LDAH: variants seen among roughly 807,000 people sequenced by gnomAD.
LDAH encodes the protein lipid droplet associated hydrolase, also known as lipid droplet-associated hydrolase.
LDAH carries 26 observed loss-of-function variants against 29.6 expected under a neutral mutation model. The observed-to-expected ratio is 0.88, with a 90% CI of 0.64 to 1.22. The LOEUF (loss-of-function observed/expected upper bound fraction) is 1.22. Among genes scored for constraint, LDAH ranks in the 50% most tolerant of loss-of-function variants. LDAH has a pLI of 0.00. For missense variants in LDAH, 344 were observed against 387.3 expected, an observed-to-expected ratio of 0.89 and a Z score of 0.94; for synonymous variants, 117 against 133.0, an observed-to-expected ratio of 0.88 and a Z score of 0.83.
chr2:20,694,463 A>G (rs1663273552), intron 6 of LDAH, among the ~76,000 whole-genome samples: 1 of 152,238 alleles, frequency 6.6e-6, no homozygotes, highest in Non-Finnish European at 1.5e-5. Context: ...AGTCTTTCTG[A>G]GCCTCTGTTT....
At chr2:20,755,461 A>G (rs1668279056) in intron 4 of LDAH, among the ~76,000 whole-genome samples, 1 of 152,192 alleles carries the variant, frequency 6.6e-6, no homozygotes, top group African/African-American at 2.4e-5. Flanking sequence ...AGTAAACTGT[A>G]AATTCTGCAT....
intron 6 of LDAH, among the ~76,000 whole-genome samples, chr2:20,695,053 T>G (rs549028607): frequency 2.0e-5 from 3 of 152,358 alleles, no homozygotes; most frequent in South Asian, 2.1e-4. Flanking sequence ...GGGGCAAATG[T>G]ACTGGAATGG....
chr2:20,690,742 CA>C (rs963061154), intron 6 of LDAH, among the ~76,000 whole-genome samples: 57 of 152,186 alleles, frequency 3.7e-4, no homozygotes, highest in African/African-American at 1.3e-3. Context: ...AACAACTGGA[CA>C]CCAAAAACAT....
chr2:20,772,339 G>A (rs1279617699), intron 4 of LDAH, among the ~76,000 whole-genome samples: 1 of 152,138 alleles, frequency 6.6e-6, no homozygotes, highest in Admixed American at 6.5e-5. Flanking sequence ...TGTTTTTAAA[G>A]TGTTTAAGAC....
At chr2:20,706,623 T>A (rs878928489) in intron 5 of LDAH, among the ~76,000 whole-genome samples, 26 of 152,004 alleles carry the variant, frequency 1.7e-4, no homozygotes, top group Middle Eastern at 6.8e-3. Context: ...CAAATGGAAA[T>A]GATTTTCCAT....
Position 20,712,437 on chromosome 2 carries a change from G to C in LDAH, c.704-10785C>G, listed in dbSNP as rs148896661. Among the ~76,000 whole-genome samples, 1,022 of 152,304 alleles carry C rather than the reference G, an allele frequency of 6.7e-3. 12 individuals carry two copies. The highest frequency in any genetic ancestry group is 0.023 in the African/African-American group (968 of 41,566). On this transcript the variant is annotated intron_variant, in intron 5 of 6. Coordinates refer to ENST00000237822, the MANE Select transcript of LDAH (RefSeq NM_021925.4). ...AAATCACAAAGATGGGGAGAAACCA[G>C]AGCAGAAAAGCTGAAAATTCTAAAA...
At chr2:20,792,582 G>T (rs560843434) in intron 2 of LDAH, among the ~76,000 whole-genome samples, 198 of 152,174 alleles carry the variant, frequency 1.3e-3, no homozygotes, top group African/African-American at 4.6e-3. Flanking sequence ...AAAGTAGTTG[G>T]CATTTTCATT....
At chr2:20,724,980 T>C (rs1299905137) in intron 5 of LDAH, among the ~76,000 whole-genome samples, 1 of 152,040 alleles carries the variant, frequency 6.6e-6, no homozygotes, top group African/African-American at 2.4e-5. Flanking sequence ...ACAGGTGAAT[T>C]TGGGAGGTAG....
chr2:20,774,971 C>T lies in LDAH; in HGVS notation c.307G>A (p.Ala103Thr), dbSNP rs773067501. 3.2e-5 allele frequency: 51 copies of T among 1,583,422 alleles called. No individual in the cohort carries two copies. Among genetic ancestry groups the T allele is most frequent in the Middle Eastern group, 1.9e-4 (1 of 5,358 alleles). Residue 103 changes from alanine (A) to threonine (T), a missense_variant, in exon 4 of 7, where the codon GCT becomes ACT. Coordinates refer to ENST00000237822, the MANE Select transcript of LDAH (RefSeq NM_021925.4). ...CCATAAATGTCCTTAATTTCTTGAG[C>T]GTTTGAATCTAAAAGCAAAAATATG... ...KILTTSEDSN[A>T]QEIKDIYGLN...
At chr2:20,734,473 C>T (rs950305321) in intron 5 of LDAH, among the ~76,000 whole-genome samples, 2 of 152,038 alleles carry the variant, frequency 1.3e-5, no homozygotes, top group African/African-American at 4.8e-5. Flanking sequence ...GTTCTAGGTA[C>T]TACATTACAT....
At chr2:20,707,303 T>C (rs1327247960) in intron 5 of LDAH, among the ~76,000 whole-genome samples, 1 of 152,200 alleles carries the variant, frequency 6.6e-6, no homozygotes, top group Non-Finnish European at 1.5e-5. Flanking sequence ...GGGACCACAA[T>C]GAAGGCTCTG....
intron 4 of LDAH, among the ~76,000 whole-genome samples, chr2:20,767,416 G>A (rs1440059058): frequency 6.6e-6 from 1 of 152,218 alleles, no homozygotes; most frequent in African/African-American, 2.4e-5. Flanking sequence ...TCACAGCCCG[G>A]CTGGGTGTGC....
intron 5 of LDAH, among the ~76,000 whole-genome samples, chr2:20,717,178 T>C (rs966974804): frequency 1.3e-5 from 2 of 152,144 alleles, no homozygotes; most frequent in African/African-American, 4.8e-5. Flanking sequence ...AGGAGAATAT[T>C]TCATAACTTT....
At chr2:20,733,256 G>A (rs1391815675) in intron 5 of LDAH, among the ~76,000 whole-genome samples, 2 of 151,188 alleles carry the variant, frequency 1.3e-5, no homozygotes, top group Admixed American at 6.6e-5. Context: ...TTTTTGAGAT[G>A]CTTTCACTCT....
intron 1 of LDAH, among the ~76,000 whole-genome samples, chr2:20,819,216 AT>A (rs58864235): frequency 0.16 from 24,002 of 151,522 alleles, 4,701 homozygotes; most frequent in African/African-American, 0.47. Context: ...TACACACACA[AT>A]TTTTTTTTAA....
At chr2:20,804,583 C>T (rs1671938131) in intron 1 of LDAH, among the ~76,000 whole-genome samples, 1 of 152,148 alleles carries the variant, frequency 6.6e-6, no homozygotes, top group African/African-American at 2.4e-5. Context: ...ATCAAAACTG[C>T]TCTAAGTTGG....
At chr2:20,751,457 T>C (rs1394680105) in intron 4 of LDAH, among the ~76,000 whole-genome samples, 6 of 152,216 alleles carry the variant, frequency 3.9e-5, no homozygotes, top group Admixed American at 1.3e-4. Context: ...GAAAAATTGC[T>C]ACAAGCCAAT....
chr2:20,709,189 A>T (rs1028357195), intron 5 of LDAH, among the ~76,000 whole-genome samples: 3 of 152,202 alleles, frequency 2.0e-5, no homozygotes, highest in Non-Finnish European at 2.9e-5. Flanking sequence ...GCACAAAATT[A>T]AAAATATTGT....
chr2:20,794,589 T>A (rs988908952), intron 2 of LDAH, among the ~76,000 whole-genome samples: 1 of 152,090 alleles, frequency 6.6e-6, no homozygotes, highest in African/African-American at 2.4e-5. Context: ...TGGATTGGTT[T>A]AACATTCAAA....
Sources: allele counts gnomAD v4.1 joint callset (sites outside exome capture counted in the v4.1 genomes callset), GRCh38; gene constraint gnomAD v4.1.1; transcripts MANE v1.5; gene names NCBI Gene and HGNC (gene_info 2026-07-23, HGNC 2026-07-21).